MAGI2: variants seen among roughly 807,000 people sequenced by gnomAD.
The protein encoded by MAGI2 is membrane-associated guanylate kinase, WW and PDZ domain-containing protein 2.
In MAGI2, 35 loss-of-function variants were observed where a neutral mutation model predicts 133.3. That is an observed-to-expected ratio of 0.26 (90% CI 0.20 to 0.35). The LOEUF is 0.35. Among genes scored for constraint, MAGI2 ranks in the 10% least tolerant of loss-of-function variants. The pLI, the probability that MAGI2 is intolerant of heterozygous loss-of-function variation, is 1.00. For missense variants in MAGI2, 1,636 were observed against 1,863.4 expected, an observed-to-expected ratio of 0.88 and a Z score of 2.25; for synonymous variants, 729 against 710.6, an observed-to-expected ratio of 1.03 and a Z score of -0.41.
chr7:78,723,728 C>G (rs1820488961), intron 2 of MAGI2, among the ~76,000 whole-genome samples: 1 of 152,036 alleles, frequency 6.6e-6, no homozygotes, highest in South Asian at 2.1e-4. Flanking sequence ...TGATTTGGAT[C>G]AGGAATGTCA....
At chr7:78,794,670 T>G (rs1470356788) in intron 2 of MAGI2, among the ~76,000 whole-genome samples, 1 of 152,108 alleles carries the variant, frequency 6.6e-6, no homozygotes, top group East Asian at 1.9e-4. Context: ...AAATTTGATT[T>G]TATACACTTG....
intron 2 of MAGI2, among the ~76,000 whole-genome samples, chr7:78,807,072 C>T (rs1788639529): frequency 6.6e-6 from 1 of 151,776 alleles, no homozygotes; most frequent in African/African-American, 2.4e-5. Flanking sequence ...ATATTTGGTA[C>T]AGATGTTTAT....
intron 2 of MAGI2, among the ~76,000 whole-genome samples, chr7:78,958,793 A>G (rs1802614367): frequency 6.6e-6 from 1 of 152,162 alleles, no homozygotes; most frequent in African/African-American, 2.4e-5. Context: ...TCCACCGCAA[A>G]GCATGTGATA....
At chr7:78,542,269 A>G (rs778381386) in intron 3 of MAGI2, among the ~76,000 whole-genome samples, 4 of 152,320 alleles carry the variant, frequency 2.6e-5, no homozygotes, top group Non-Finnish European at 4.4e-5. Flanking sequence ...CCCCCAGTCT[A>G]TGTAATAATC....
At chr7:78,404,140 T>A (rs1797156320) in intron 6 of MAGI2, among the ~76,000 whole-genome samples, 1 of 152,112 alleles carries the variant, frequency 6.6e-6, no homozygotes, top group African/African-American at 2.4e-5. Flanking sequence ...CAAGGAGAAC[T>A]GCAAACCACT....
intron 1 of MAGI2, among the ~76,000 whole-genome samples, chr7:79,069,789 A>G (rs1456481831): frequency 6.6e-6 from 1 of 152,192 alleles, no homozygotes; most frequent in Non-Finnish European, 1.5e-5. Context: ...AGCTCTTGAA[A>G]GGCAGGCCTG....
At chr7:78,836,320 C>A (rs1331280376) in intron 2 of MAGI2, among the ~76,000 whole-genome samples, 2 of 152,242 alleles carry the variant, frequency 1.3e-5, no homozygotes, top group Non-Finnish European at 2.9e-5. Context: ...AACTCTTAGT[C>A]CAATGTTTTT....
At chr7:78,271,509 G>C (rs1794579431) in intron 9 of MAGI2, among the ~76,000 whole-genome samples, 3 of 152,064 alleles carry the variant, frequency 2.0e-5, no homozygotes, top group Admixed American at 2.0e-4. Context: ...CTGTTGTTTG[G>C]GATAGTTTCA....
chr7:78,161,297 G>A (rs117311529), intron 15 of MAGI2, among the ~76,000 whole-genome samples: 7,377 of 152,162 alleles, frequency 0.048, 267 homozygotes, highest in Non-Finnish European at 0.07. Context: ...AAAGAATTTC[G>A]TCATTTTAAT....
intron 2 of MAGI2, among the ~76,000 whole-genome samples, chr7:78,904,355 C>T (rs1797840357): frequency 6.6e-6 from 1 of 151,898 alleles, no homozygotes; most frequent in Non-Finnish European, 1.5e-5. Flanking sequence ...TACTAGTGGT[C>T]CTGAAGAATG....
At chr7:79,407,348 A>T (rs531604899) in intron 1 of MAGI2, among the ~76,000 whole-genome samples, 9 of 152,260 alleles carry the variant, frequency 5.9e-5, no homozygotes, top group African/African-American at 2.2e-4. Context: ...ACAAACCCTG[A>T]AAGATATATT....
At chr7:78,770,660 G>A (rs1007466797) in intron 2 of MAGI2, among the ~76,000 whole-genome samples, 4 of 152,136 alleles carry the variant, frequency 2.6e-5, no homozygotes, top group Non-Finnish European at 1.5e-5. Context: ...CAAAAGCTCC[G>A]CAAACAAACG....
intron 9 of MAGI2, among the ~76,000 whole-genome samples, chr7:78,314,024 C>T (rs531914441): frequency 1.3e-5 from 2 of 152,182 alleles, no homozygotes; most frequent in South Asian, 2.1e-4. Flanking sequence ...TCTCATTCTC[C>T]ATTTGCATTA....
intron 2 of MAGI2, among the ~76,000 whole-genome samples, chr7:78,797,851 G>C (rs1787741769): frequency 6.6e-6 from 1 of 152,094 alleles, no homozygotes; most frequent in Non-Finnish European, 1.5e-5. Context: ...CTTGCCCAAA[G>C]GGAAAGAGTG....
intron 9 of MAGI2, among the ~76,000 whole-genome samples, chr7:78,269,092 C>T (rs1284905745): frequency 6.6e-6 from 1 of 152,198 alleles, no homozygotes; most frequent in East Asian, 1.9e-4. Context: ...AGTTCATCCA[C>T]GTCCCTGCAA....
At chr7:78,922,642 G>T (rs750210018) in intron 2 of MAGI2, among the ~76,000 whole-genome samples, 1 of 152,094 alleles carries the variant, frequency 6.6e-6, no homozygotes, top group African/African-American at 2.4e-5. Flanking sequence ...GAATAATGCC[G>T]CAATAAACAT....
chr7:78,907,422 C>A (rs550712387), intron 2 of MAGI2, among the ~76,000 whole-genome samples: 1 of 152,232 alleles, frequency 6.6e-6, no homozygotes, highest in Admixed American at 6.5e-5. Flanking sequence ...GGTTTCATAT[C>A]TTTTCCTAAC....
intron 10 of MAGI2, among the ~76,000 whole-genome samples, chr7:78,249,038 TAAAA>T (rs200642694): frequency 1.3e-5 from 2 of 149,796 alleles, no homozygotes; most frequent in East Asian, 2.0e-4. Flanking sequence ...AAAAAAATAA[TAAAA>T]AAAAAGTGCG....
chr7:79,160,143 T>A (rs1429985950), intron 1 of MAGI2, among the ~76,000 whole-genome samples: 1 of 152,042 alleles, frequency 6.6e-6, no homozygotes, highest in Non-Finnish European at 1.5e-5. Flanking sequence ...CCCCCACCAC[T>A]GGAAATTTAT....
Sources: allele counts gnomAD v4.1 joint callset (sites outside exome capture counted in the v4.1 genomes callset), GRCh38; gene constraint gnomAD v4.1.1; transcripts MANE v1.5; gene names NCBI Gene and HGNC (gene_info 2026-07-23, HGNC 2026-07-21).